Variants in MMP26 observed in about 807,000 individuals in gnomAD.
MMP26 encodes matrix metallopeptidase 26.
MMP26 carries 33 observed loss-of-function variants against 31.0 expected under a neutral mutation model. That is an observed-to-expected ratio of 1.06 (90% CI 0.81 to 1.42). The LOEUF is 1.42. Among genes scored for constraint, MMP26 ranks in the 40% most tolerant of loss-of-function variants. The pLI is 0.00. For synonymous variants in MMP26, 122 were observed against 114.9 expected (o/e 1.06, Z -0.40); for missense variants, 347 against 316.1 (o/e 1.10, Z -0.74).
intron 2 of MMP26, among the ~76,000 whole-genome samples, chr11:4,816,265 A>G (rs1189535359): frequency 6.6e-6 from 1 of 152,198 alleles, no homozygotes; most frequent in African/African-American, 2.4e-5. Flanking sequence ...AAATTAGTTA[A>G]GACTCGTTCT....
intron 2 of MMP26, among the ~76,000 whole-genome samples, chr11:4,781,209 A>G (rs1351061210): frequency 2.6e-5 from 4 of 152,214 alleles, no homozygotes; most frequent in Non-Finnish European, 5.9e-5. Flanking sequence ...GTACGACTGC[A>G]TAAATCTGAT....
At chr11:4,937,253 A>T (rs998562889) in intron 2 of MMP26, 1 of 152,164 alleles carries the variant, frequency 6.6e-6, no homozygotes, top group Non-Finnish European at 1.5e-5. Flanking sequence ...CTGACTATAA[A>T]ATACAAGACC....
intron 1 of MMP26, among the ~76,000 whole-genome samples, chr11:4,742,976 G>T (rs1365060999): frequency 6.6e-6 from 1 of 152,074 alleles, no homozygotes; most frequent in African/African-American, 2.4e-5. Context: ...TATTGAAAAA[G>T]CTGGATTTTA....
At chr11:4,793,808 T>C (rs1027140981) in intron 2 of MMP26, 4 of 152,208 alleles carry the variant, frequency 2.6e-5, no homozygotes, top group Admixed American at 6.5e-5. Context: ...CCATGTTTTC[T>C]TGGATATGCT....
intron 2 of MMP26, among the ~76,000 whole-genome samples, chr11:4,823,110 G>T (rs1849533366): frequency 6.6e-6 from 1 of 151,918 alleles, no homozygotes; most frequent in African/African-American, 2.4e-5. Context: ...TCATTTATGG[G>T]CTCACTGGAC....
At chr11:4,785,912 T>C (rs1001846920) in intron 2 of MMP26, among the ~76,000 whole-genome samples, 1 of 152,160 alleles carries the variant, frequency 6.6e-6, no homozygotes, top group Non-Finnish European at 1.5e-5. Context: ...ATCTTATTGA[T>C]TTTATTGGGG....
intron 2 of MMP26, among the ~76,000 whole-genome samples, chr11:4,790,570 A>G (rs17228176): frequency 0.094 from 14,364 of 152,190 alleles, 849 homozygotes; most frequent in Middle Eastern, 0.15. Context: ...AGTACTGGCA[A>G]TTGTATGAGA....
chr11:4,933,312 G>A (rs10500623), intron 2 of MMP26, among the ~76,000 whole-genome samples: 2,770 of 152,034 alleles, frequency 0.018, 34 homozygotes, highest in Middle Eastern at 0.037. Flanking sequence ...GCTCGCAACC[G>A]GTATGAAGTA....
intron 2 of MMP26, among the ~76,000 whole-genome samples, chr11:4,930,755 A>G (rs1851335618): frequency 6.6e-6 from 1 of 152,088 alleles, no homozygotes; most frequent in East Asian, 1.9e-4. Context: ...CTTAACTTTT[A>G]GAGGAGATTT....
At position 4,795,843 on chromosome 11, in the gene MMP26, G is replaced by GGAGAGAGA. The variant is rs142600384; in HGVS notation, c.-145+28523_-145+28530dup. ...CAGGGAGAGAGAAAGAGAGAGAGAG[G>GGAGAGAGA]GAGAGAGAGAGAGAGAGAGAGAGAG... On this transcript the variant is annotated intron_variant, in intron 2 of 7. Coordinates refer to ENST00000380390, the MANE Select transcript of MMP26 (RefSeq NM_021801.5). Among the ~76,000 whole-genome samples the GGAGAGAGA allele has an allele frequency of 3.5e-3, 501 of 142,252 alleles. 1 individual carries two copies. Among genetic ancestry groups the GGAGAGAGA allele is most frequent in the Middle Eastern group, 0.011 (3 of 274 alleles). The allele number at this position is 142,252 out of a possible 152,430, so 93.3% of individuals were successfully genotyped here.
intron 2 of MMP26, among the ~76,000 whole-genome samples, chr11:4,826,059 A>C (rs1159165337): frequency 6.6e-6 from 1 of 152,128 alleles, no homozygotes; most frequent in Non-Finnish European, 1.5e-5. Context: ...CACTGGGATA[A>C]AGCACCTAAG....
chr11:4,707,579 G>T (rs749071738), intron 1 of MMP26, among the ~76,000 whole-genome samples: 1 of 152,134 alleles, frequency 6.6e-6, no homozygotes, highest in Non-Finnish European at 1.5e-5. Flanking sequence ...GAAAATAAAT[G>T]TTTTTATCAC....
Position 4,741,736 on chromosome 11 carries a change from G to A in MMP26, c.-216-25534G>A, listed in dbSNP as rs528584747. Among the ~76,000 whole-genome samples the A allele has an allele frequency of 2.4e-3, 357 of 151,826 alleles. 2 individuals carry two copies. The highest frequency in any genetic ancestry group is 8.3e-3 in the African/African-American group (345 of 41,394). On this transcript the variant is annotated intron_variant, in intron 1 of 7. Coordinates refer to ENST00000380390, the MANE Select transcript of MMP26 (RefSeq NM_021801.5). ...CACACGTATTCCTATGTGACAAACC[G>A]GCACATTCTGCACATGTATCCTGGA...
intron 2 of MMP26, among the ~76,000 whole-genome samples, chr11:4,835,049 G>A (rs1849697882): frequency 6.6e-6 from 1 of 151,854 alleles, no homozygotes; most frequent in African/African-American, 2.4e-5. Context: ...AAGCCTCTTG[G>A]TTAATAAAGA....
intron 2 of MMP26, among the ~76,000 whole-genome samples, chr11:4,840,813 A>C (rs1589916481): frequency 6.6e-6 from 1 of 152,214 alleles, no homozygotes; most frequent in Non-Finnish European, 1.5e-5. Flanking sequence ...AAATAAACTA[A>C]ATAAGGCACC....
chr11:4,707,320 A>T (rs1424464185), intron 1 of MMP26, among the ~76,000 whole-genome samples: 7 of 152,108 alleles, frequency 4.6e-5, no homozygotes. Context: ...GGCCATTTGT[A>T]TGTTTTGTTT....
At chr11:4,930,320 T>C (rs1393691827) in intron 2 of MMP26, among the ~76,000 whole-genome samples, 1 of 152,126 alleles carries the variant, frequency 6.6e-6, no homozygotes, top group African/African-American at 2.4e-5. Context: ...ATAAAGAGTG[T>C]GGGTAGCTGA....
At chr11:4,983,637 G>A (rs751461468) in intron 2 of MMP26, among the ~76,000 whole-genome samples, 1 of 152,158 alleles carries the variant, frequency 6.6e-6, no homozygotes, top group African/African-American at 2.4e-5. Flanking sequence ...AGCATAGATG[G>A]GGGTGAGAGG....
chr11:4,725,768 C>T (rs757230415), intron 1 of MMP26, among the ~76,000 whole-genome samples: 1 of 152,114 alleles, frequency 6.6e-6, no homozygotes, highest in Admixed American at 6.5e-5. Flanking sequence ...CTTTGAGAAA[C>T]CTGAAGATCA....
Sources: gnomAD v4.1 joint callset for allele counts (sites outside exome capture counted in the v4.1 genomes callset) on GRCh38, gnomAD v4.1.1 for gene constraint, MANE v1.5 for transcripts, NCBI Gene and HGNC (gene_info 2026-07-23, HGNC 2026-07-21) for gene names.